Variants in FGF14 observed in about 807,000 individuals in gnomAD.
FGF14 encodes the protein fibroblast growth factor 14, also known as fibroblast growth factor homologous factor 4.
Under a neutral mutation model 25.5 loss-of-function variants are expected in FGF14, and 5 were observed. The ratio of observed to expected loss-of-function variants is 0.20; its 90% CI spans 0.10 to 0.41. The LOEUF is 0.41. FGF14 is among the 10% of genes least tolerant of loss of function. The pLI, the probability that FGF14 is intolerant of heterozygous loss-of-function variation, is 1.00. For missense variants in FGF14, 222 were observed against 320.1 expected, an observed-to-expected ratio of 0.69 and a Z score of 2.34; for synonymous variants, 138 against 118.3, an observed-to-expected ratio of 1.17 and a Z score of -1.08.
intron 1 of FGF14, among the ~76,000 whole-genome samples, chr13:102,090,475 G>A (rs1375655465): frequency 1.3e-5 from 2 of 152,162 alleles, no homozygotes; most frequent in Non-Finnish European, 2.9e-5. Context: ...TTACTACCTG[G>A]AAATGTTGTG....
chr13:101,783,073 C>T (rs2140039756), intron 3 of FGF14, among the ~76,000 whole-genome samples: 1 of 152,286 alleles, frequency 6.6e-6, no homozygotes, highest in Admixed American at 6.5e-5. Flanking sequence ...GCCACTCTGA[C>T]TGGTATTAGA....
intron 1 of FGF14, among the ~76,000 whole-genome samples, chr13:101,903,139 T>C (rs779621193): frequency 4.6e-5 from 7 of 152,170 alleles, no homozygotes; most frequent in Non-Finnish European, 7.3e-5. Context: ...ATATGTTCAA[T>C]ATTATCTACC....
At chr13:102,161,474 CGTCA>C (rs775576090) in intron 1 of FGF14, among the ~76,000 whole-genome samples, 4 of 151,916 alleles carry the variant, frequency 2.6e-5, no homozygotes, top group Non-Finnish European at 4.4e-5. Flanking sequence ...TGACAGCAAT[CGTCA>C]GTCAGTGTAA....
At chr13:102,265,917 T>C (rs749830783) in intron 1 of FGF14, among the ~76,000 whole-genome samples, 1 of 152,050 alleles carries the variant, frequency 6.6e-6, no homozygotes, top group South Asian at 2.1e-4. Flanking sequence ...AAAAAAAAAT[T>C]TGTTTACTTC....
At chr13:102,046,553 T>C (rs1482608929) in intron 1 of FGF14, among the ~76,000 whole-genome samples, 1 of 152,172 alleles carries the variant, frequency 6.6e-6, no homozygotes, top group Admixed American at 6.6e-5. Flanking sequence ...TAAATCTTTA[T>C]TTGACAATTT....
At position 101,985,442 on chromosome 13, in the gene FGF14, T is replaced by C. The variant is rs1367007307; in HGVS notation, c.209-110146A>G. Among the ~76,000 whole-genome samples the C allele has an allele frequency of 2.0e-5, 3 of 152,182 alleles. No homozygotes were observed. The South Asian group carries it at 6.2e-4, about 32-fold the overall frequency. On this transcript the variant is annotated intron_variant, in intron 1 of 4. Transcript: ENST00000376131. ...TTGTATTAAAATGTTCCATGGACCA[T>C]GTGTTAAGATGATTGCATTCCTAAA...
chr13:102,163,290 A>G (rs2140616410), intron 1 of FGF14, among the ~76,000 whole-genome samples: 1 of 152,250 alleles, frequency 6.6e-6, no homozygotes, highest in Admixed American at 6.5e-5. Context: ...TCTAGCACAG[A>G]GGTATTAGAA....
intron 3 of FGF14, among the ~76,000 whole-genome samples, chr13:101,809,767 A>T (rs2140174021): frequency 6.6e-6 from 1 of 152,294 alleles, no homozygotes; most frequent in South Asian, 2.1e-4. Context: ...TAAATGGGTT[A>T]TGGGGTTGAT....
chr13:102,372,282 G>C (rs1033823512), intron 1 of FGF14, among the ~76,000 whole-genome samples: 3 of 152,078 alleles, frequency 2.0e-5, no homozygotes, highest in Non-Finnish European at 4.4e-5. Context: ...AAACCTACAG[G>C]ATGCTCAGTT....
chr13:102,078,372 C>A (rs989896050), intron 1 of FGF14, among the ~76,000 whole-genome samples: 1 of 151,952 alleles, frequency 6.6e-6, no homozygotes, highest in African/African-American at 2.4e-5. Context: ...TTCAAAACAG[C>A]GTGATGTACA....
chr13:101,830,897 A>C (rs1471460767), intron 3 of FGF14, among the ~76,000 whole-genome samples: 4 of 151,872 alleles, frequency 2.6e-5, no homozygotes, highest in African/African-American at 9.7e-5. Flanking sequence ...TCCTCTCTTC[A>C]TCTCTAAAGC....
At chr13:102,290,193 A>G (rs2054308922) in intron 1 of FGF14, among the ~76,000 whole-genome samples, 1 of 152,110 alleles carries the variant, frequency 6.6e-6, no homozygotes, top group Non-Finnish European at 1.5e-5. Flanking sequence ...GGAGGTGCTT[A>G]GGTCATAAGA....
rs2056351747 is a variant in FGF14 at position 102,324,340 on chromosome 13, T to C, written c.208+77131A>G. On this transcript the variant is annotated intron_variant, in intron 1 of 4. Coordinates refer to the FGF14 transcript ENST00000376131. ...GGGTTCAAATTCTGTTTCTACCATTTACTAAGTATGTCCTTTGAGTCATTT... is the reference window on the plus strand; with the variant it reads ...GGGTTCAAATTCTGTTTCTACCATTCACTAAGTATGTCCTTTGAGTCATTT... 2.6e-5 allele frequency among the ~76,000 whole-genome samples: 4 copies of C among 152,194 alleles called. No homozygotes were observed. In the South Asian group the frequency reaches 8.3e-4, roughly 32 times the overall value.
chr13:102,103,889 G>A (rs1284824547), intron 1 of FGF14, among the ~76,000 whole-genome samples: 1 of 152,074 alleles, frequency 6.6e-6, no homozygotes, highest in Non-Finnish European at 1.5e-5. Flanking sequence ...GGGGACATTG[G>A]CCATGGTCAT....
chr13:101,875,762 C>T (rs1478105605), intron 1 of FGF14, among the ~76,000 whole-genome samples: 1 of 151,954 alleles, frequency 6.6e-6, no homozygotes, highest in Non-Finnish European at 1.5e-5. Context: ...CAAAAAATAC[C>T]TATATTTTAA....
chr13:101,840,814 A>G (rs1369004942), intron 3 of FGF14, among the ~76,000 whole-genome samples: 1 of 151,988 alleles, frequency 6.6e-6, no homozygotes, highest in Non-Finnish European at 1.5e-5. Flanking sequence ...GAGAAAATCA[A>G]GAATATGTGT....
intron 1 of FGF14, among the ~76,000 whole-genome samples, chr13:102,020,352 C>T (rs2040571332): frequency 6.6e-6 from 1 of 151,938 alleles, no homozygotes; most frequent in Non-Finnish European, 1.5e-5. Context: ...AGTTTGAGAC[C>T]AGCCTGACCA....
At chr13:102,189,086 AAGAG>A (rs143172618) in intron 1 of FGF14, among the ~76,000 whole-genome samples, 3,745 of 149,952 alleles carry the variant, frequency 0.025, 190 homozygotes, top group African/African-American at 0.088. Context: ...GAAAAAGAGA[AAGAG>A]AGAAAGGAGG....
intron 1 of FGF14, among the ~76,000 whole-genome samples, chr13:101,962,574 T>G (rs1335297241): frequency 6.6e-6 from 1 of 152,098 alleles, no homozygotes; most frequent in Admixed American, 6.5e-5. Flanking sequence ...AAAATAGACA[T>G]AAGATAATTT....
Sources: gnomAD v4.1 joint callset for allele counts (sites outside exome capture counted in the v4.1 genomes callset) on GRCh38, gnomAD v4.1.1 for gene constraint, MANE v1.5 for transcripts, NCBI Gene and HGNC (gene_info 2026-07-23, HGNC 2026-07-21) for gene names.